The following TRIOBP variants were observed in gnomAD, a reference collection of about 807,000 sequenced individuals.
TRIOBP encodes TRIO and F-actin-binding protein.
Under a neutral mutation model 238.8 loss-of-function variants are expected in TRIOBP, and 169 were observed. The observed-to-expected ratio is 0.71, with a 90% CI of 0.62 to 0.80. TRIOBP has a LOEUF of 0.80. TRIOBP is among the 30% of genes least tolerant of loss of function. TRIOBP has a pLI of 0.00. For missense variants in TRIOBP, 2,838 were observed against 3,122.6 expected (o/e 0.91, Z 2.17); for synonymous variants, 1,150 against 1,274.4 (o/e 0.90, Z 2.08).
chr22:37,743,699 G>C (rs1242558988), intron 11 of TRIOBP, among the ~76,000 whole-genome samples: 1 of 152,136 alleles, frequency 6.6e-6, no homozygotes, highest in Non-Finnish European at 1.5e-5. Flanking sequence ...CAGTTCCTAA[G>C]TCTGCTGGGG....
At chr22:37,716,578 C>T (rs1009979394) in intron 6 of TRIOBP, among the ~76,000 whole-genome samples, 1 of 152,118 alleles carries the variant, frequency 6.6e-6, no homozygotes, top group African/African-American at 2.4e-5. Flanking sequence ...TACAGGCACC[C>T]GCCACCACAC....
chr22:37,710,537 G>A lies in TRIOBP; in HGVS notation c.225G>A (p.Val75=), dbSNP rs767916569. 3.1e-6 allele frequency: 5 copies of A among 1,611,932 alleles called. No individual in the cohort carries two copies. Among genetic ancestry groups the A allele is most frequent in the Non-Finnish European group, 4.2e-6 (5 of 1,179,886 alleles). ...SASTSGCQSV[V]DPGLRPGPKR... is the part of the protein sequence containing the mutation. ...CAACCTCCGGCTGCCAGTCTGTGGTGGACCCAGGCCTCAGGCCAGGGCCCA... is the reference window on the plus strand; with the variant it reads ...CAACCTCCGGCTGCCAGTCTGTGGTAGACCCAGGCCTCAGGCCAGGGCCCA... Residue 75 remains valine (V), a synonymous_variant, in exon 4 of 24, where the codon GTG becomes GTA. Transcript: ENST00000644935.
chr22:37,742,187 G>C (rs557755747), intron 11 of TRIOBP, among the ~76,000 whole-genome samples: 1 of 150,822 alleles, frequency 6.6e-6, no homozygotes, highest in Admixed American at 6.6e-5. Context: ...TTGAACTCCC[G>C]ACCTCAGGTA....
chr22:37,713,503 GCCT>G, intron 5 of TRIOBP, 92 bp downstream of exon 5: 1 of 1,486,846 alleles, frequency 6.7e-7, no homozygotes, highest in Middle Eastern at 1.8e-4. Flanking sequence ...CCAGGGCTGA[GCCT>G]CACACCAGGG....
chr22:37,772,799 A>G, intron 23 of TRIOBP, 35 bp downstream of exon 23: 1 of 1,604,494 alleles, frequency 6.2e-7, no homozygotes, highest in Non-Finnish European at 8.5e-7. Flanking sequence ...CAGGGTGGGC[A>G]GGGGCTGAGG....
chr22:37,737,816 G>T (rs936011425), intron 9 of TRIOBP, among the ~76,000 whole-genome samples: 3 of 152,094 alleles, frequency 2.0e-5, no homozygotes, highest in African/African-American at 7.2e-5. Flanking sequence ...GCCACCAAAC[G>T]CCTGTTCATT....
chr22:37,773,227 T>C (rs1183385941), intron 23 of TRIOBP, among the ~76,000 whole-genome samples: 1 of 150,672 alleles, frequency 6.6e-6, no homozygotes, highest in African/African-American at 2.4e-5. Context: ...TTGGTTGGTT[T>C]TGGTTGCTTT....
intron 3 of TRIOBP, among the ~76,000 whole-genome samples, chr22:37,705,606 C>T (rs1350347811): frequency 2.6e-5 from 4 of 151,658 alleles, no homozygotes; most frequent in African/African-American, 7.3e-5. Context: ...GATGGAGTCT[C>T]GCTCTGTCGC....
intron 7 of TRIOBP, among the ~76,000 whole-genome samples, chr22:37,729,658 A>G (rs908495376): frequency 1.8e-4 from 28 of 152,192 alleles, no homozygotes; most frequent in Admixed American, 9.8e-4. Flanking sequence ...TAGAAATGAG[A>G]AATATGTTTA....
intron 22 of TRIOBP, 137 bp downstream of exon 22, chr22:37,771,873 G>A (rs747150652): frequency 2.5e-6 from 2 of 788,064 alleles, no homozygotes; most frequent in African/African-American, 1.7e-5. Flanking sequence ...TCCCATGTAG[G>A]TGTCATCATC....
At chr22:37,739,758 C>T (rs1924847233) in intron 10 of TRIOBP, among the ~76,000 whole-genome samples, 2 of 152,190 alleles carry the variant, frequency 1.3e-5, no homozygotes, top group African/African-American at 4.8e-5. Context: ...GCTGCCAGCC[C>T]TCCCAGGGAC....
At chr22:37,764,573 T>C (rs948862284) in intron 17 of TRIOBP, among the ~76,000 whole-genome samples, 1 of 152,218 alleles carries the variant, frequency 6.6e-6, no homozygotes. Flanking sequence ...TCCAAAAGTC[T>C]CTGTACACAT....
At chr22:37,707,040 G>T (rs1205433079) in intron 3 of TRIOBP, among the ~76,000 whole-genome samples, 1 of 152,134 alleles carries the variant, frequency 6.6e-6, no homozygotes, top group African/African-American at 2.4e-5. Context: ...GGCCGAGGCG[G>T]GTGGATCACT....
chr22:37,714,229 T>C (rs961760671), intron 5 of TRIOBP, among the ~76,000 whole-genome samples: 1 of 152,180 alleles, frequency 6.6e-6, no homozygotes, highest in African/African-American at 2.4e-5. Flanking sequence ...CAGTCCCACA[T>C]GCGGAACTCT....
intron 7 of TRIOBP, among the ~76,000 whole-genome samples, chr22:37,728,923 T>C (rs1170968101): frequency 6.6e-6 from 1 of 152,210 alleles, no homozygotes; most frequent in Admixed American, 6.5e-5. Flanking sequence ...TTTAACTTTT[T>C]TTTTTGTTTG....
chr22:37,743,517 A>AG (rs1268901631), intron 11 of TRIOBP, among the ~76,000 whole-genome samples: 3 of 152,082 alleles, frequency 2.0e-5, no homozygotes, highest in African/African-American at 7.2e-5. Flanking sequence ...GTGCTTACGG[A>AG]GGATGTGCTG....
At chr22:37,717,321 T>A (rs185771392) in intron 6 of TRIOBP, among the ~76,000 whole-genome samples, 18 of 152,162 alleles carry the variant, frequency 1.2e-4, no homozygotes, top group African/African-American at 3.9e-4. Context: ...GCAGCAAGAT[T>A]TATTGCAAAG....
intron 23 of TRIOBP, 126 bp downstream of exon 23, chr22:37,772,890 A>G: frequency 4.9e-6 from 6 of 1,219,288 alleles, no homozygotes; most frequent in Non-Finnish European, 6.9e-6. Flanking sequence ...TTCTGTAAAA[A>G]GGACAATGAA....
At position 37,769,248 on chromosome 22, in the gene TRIOBP, C is replaced by A; in HGVS notation, c.6736-14C>A. 1 of 1,607,464 alleles carries A rather than the reference C, an allele frequency of 6.2e-7. No individual in the cohort carries two copies. Among genetic ancestry groups the A allele is most frequent in the Non-Finnish European group, 8.5e-7 (1 of 1,177,506 alleles). ...GTCCCGGCACCCCTCCCCTGACCACCGTGCCTCTCCCAGGAGCTGCATGGC... is the reference window on the plus strand; with the variant it reads ...GTCCCGGCACCCCTCCCCTGACCACAGTGCCTCTCCCAGGAGCTGCATGGC... On this transcript the variant is annotated splice_polypyrimidine_tract_variant and intron_variant, in intron 20 of 23. Coordinates refer to ENST00000644935, the MANE Select transcript of TRIOBP (RefSeq NM_001039141.3).
Sources: gnomAD v4.1 joint callset for allele counts (sites outside exome capture counted in the v4.1 genomes callset) on GRCh38, gnomAD v4.1.1 for gene constraint, MANE v1.5 for transcripts, NCBI Gene and HGNC (gene_info 2026-07-23, HGNC 2026-07-21) for gene names.